The following VSIG10L variants were observed in gnomAD, a reference collection of about 807,000 sequenced individuals.
The protein encoded by VSIG10L is V-set and immunoglobulin domain-containing protein 10-like.
Under a neutral mutation model 67.3 loss-of-function variants are expected in VSIG10L, and 63 were observed. The ratio of observed to expected loss-of-function variants is 0.94; its 90% confidence interval spans 0.76 to 1.15. The LOEUF (loss-of-function observed/expected upper bound fraction) is 1.15, where lower values mean the gene tolerates loss of function less well. VSIG10L is among the 50% of genes most tolerant of loss of function. The pLI, the probability that VSIG10L is intolerant of heterozygous loss-of-function variation, is 0.00. For missense variants in VSIG10L, 1,050 were observed against 1,177.5 expected, an observed-to-expected ratio of 0.89 and a Z score of 1.58; for synonymous variants, 499 against 524.9, an observed-to-expected ratio of 0.95 and a Z score of 0.67.
intron 8 of VSIG10L, 40 bp downstream of exon 8, chr19:51,334,151 C>T (rs1028424037): frequency 5.8e-6 from 9 of 1,545,692 alleles, no homozygotes; most frequent in African/African-American, 1.4e-5. Flanking sequence ...GGTCCCTCCC[C>T]GTTGGTCATG....
Position 51,340,487 on chromosome 19 carries a change from G to A in VSIG10L, c.1135C>T (p.Arg379Cys), listed in dbSNP as rs574079156. The change falls in exon 3 of 10, where the codon CGC (arginine) becomes TGC (cysteine). Residue 379 changes from arginine to cysteine, a missense_variant. By Grantham distance (180) the Arg-to-Cys change is radical. Transcript: ENST00000335624. This position sits in a 1 kb window ranked among gnomAD's most constrained non-coding sequence, Gnocchi z 6.3. ...CTGTGGCCGAAGGGGCTGCGGACGC[G>A]GCAAGTGTACCGGGCGTGGTCGCTG... The part of the protein sequence containing the change: ...VRSDHARYTC[R>C]VRSPFGHREA... The A allele has an allele frequency of 1.5e-4, 225 of 1,519,894 alleles. No individual in the cohort carries two copies. In the African/African-American group the frequency reaches 2.3e-3, roughly 15 times the overall value. The allele number at this position is 1,519,894 out of a possible 1,614,324, so 94.2% of individuals were successfully genotyped here. A position where few individuals can be genotyped will look rare whatever the true frequency, so the allele number is the denominator to read the frequency against.
At chr19:51,334,413 G>A in intron 7 of VSIG10L, 109 bp from the exon 8 acceptor site, 1 of 849,390 alleles carries the variant, frequency 1.2e-6, no homozygotes, top group Non-Finnish European at 1.8e-6. Context: ...GGCCCCCACT[G>A]TCCCTCCCCT....
At chr19:51,337,907 T>C (rs762782216) in intron 6 of VSIG10L, 23 bp downstream of exon 6, 5 of 1,523,434 alleles carry the variant, frequency 3.3e-6, no homozygotes, top group Non-Finnish European at 4.4e-6. Context: ...GACTTCAGGG[T>C]TTTTTGAAAT....
rs1985531828 is a variant in VSIG10L at position 51,338,084 on chromosome 19, C to T, written c.1854G>A (p.Arg618=). 1.3e-6 allele frequency: 2 copies of T among 1,551,392 alleles called. No homozygotes were observed. The highest frequency in any genetic ancestry group is 2.0e-5 in the Admixed American group (1 of 50,976). The change falls in exon 6 of 10, where the codon AGG becomes AGA. Residue 618 remains arginine, a synonymous_variant. Transcript: ENST00000335624. ...GACTCCCGCCTCCTGGAGCCAGGGGCCTCCCTTCCCGGGCCCAGGATGCCC... is the reference window on the plus strand; with the variant it reads ...GACTCCCGCCTCCTGGAGCCAGGGGTCTCCCTTCCCGGGCCCAGGATGCCC... ...PSRASWAREG[R]PLAPGGGSRL...
At chr19:51,336,447 G>A (rs544320420) in intron 7 of VSIG10L, among the ~76,000 whole-genome samples, 184 of 152,022 alleles carry the variant, frequency 1.2e-3, no homozygotes, top group South Asian at 3.5e-3. Context: ...CTAGCTACTC[G>A]GGAGGCTGAG....
At chr19:51,339,990 C>T in intron 4 of VSIG10L, 25 bp downstream of exon 4, 2 of 1,365,990 alleles carry the variant, frequency 1.5e-6, no homozygotes, top group Non-Finnish European at 1.9e-6. Flanking sequence ...CCAGGCATTC[C>T]CCTACTCCCG....
chr19:51,342,138 C>T lies in VSIG10L; in HGVS notation c.-14G>A, dbSNP rs1230696970. On this transcript the variant is annotated 5_prime_UTR_variant, in exon 1 of 10. The change creates a new upstream start codon in the 5' untranslated region. Transcript: ENST00000335624. This position sits in a 1 kb window ranked among gnomAD's most constrained non-coding sequence, Gnocchi z 4.4. ...TGGGTTGTCCATGGTGCTGGCCTCA[C>T]TGAAAGGACACTGGAGAGAGACCCA... is the stretch of plus-strand genomic sequence containing the variant. 6.4e-7 allele frequency: 1 copy of T among 1,551,542 alleles called. No individual in the cohort carries two copies. The highest frequency in any genetic ancestry group is 8.7e-7 in the Non-Finnish European group (1 of 1,146,982).
chr19:51,342,114 G>A lies in VSIG10L; in HGVS notation c.11C>T (p.Pro4Leu). ...GAGTAGGAAGAGTGGCAGAGCCTGTGGGTTGTCCATGGTGCTGGCCTCACT... is the reference window on the plus strand; with the variant it reads ...GAGTAGGAAGAGTGGCAGAGCCTGTAGGTTGTCCATGGTGCTGGCCTCACT... The part of the protein sequence containing the change: MDN[P>L]QALPLFLLLA... Residue 4 changes from proline to leucine, a missense_variant, in exon 1 of 10, where the codon CCA (proline) becomes CTA (leucine). Physicochemically the swap from Pro to Leu is moderately conservative, Grantham distance 98. This residue lies in a region of VSIG10L where 511 missense variants were observed against 557.9 expected (regional missense o/e 0.92). Transcript: ENST00000335624. The surrounding 1 kb of genome is among the most constrained non-coding windows in gnomAD (Gnocchi z 4.4). The A allele has an allele frequency of 1.3e-6, 2 of 1,551,648 alleles. No homozygotes were observed. Among genetic ancestry groups the A allele is most frequent in the Non-Finnish European group, 1.7e-6 (2 of 1,146,984 alleles).
At position 51,332,626 on chromosome 19, in the gene VSIG10L, A is replaced by C. The variant is rs1985385573; in HGVS notation, c.2589T>G (p.Val863=). ...STRAYQAQTP[V]QLSL ...GAGCCTCCGCCTACAGAGACAACTG[A>C]ACTGGGGTCTGTGCCTGGAAGAGAG... The change falls in exon 10 of 10, where the codon GTT becomes GTG. Residue 863 remains valine, a synonymous_variant. Coordinates refer to ENST00000335624, the MANE Select transcript of VSIG10L (RefSeq NM_001163922.3). The C allele has an allele frequency of 7.1e-7, 1 of 1,413,962 alleles. No homozygotes were observed. The highest frequency in any genetic ancestry group is 9.2e-7 in the Non-Finnish European group (1 of 1,087,644). The allele number at this position is 1,413,962 out of a possible 1,614,324, so 87.6% of individuals were successfully genotyped here.
chr19:51,342,062 A>G lies in VSIG10L; in HGVS notation c.40+23T>C, dbSNP rs1163925878. ...AGGCTGCTGAGGGAGACTGACAGGG[A>G]AGGGACTGAGCAGGGAACTTACCCA... is the stretch of plus-strand genomic sequence containing the variant. On this transcript the variant is annotated intron_variant, in intron 1 of 9. Coordinates refer to ENST00000335624, the MANE Select transcript of VSIG10L (RefSeq NM_001163922.3). This position sits in a 1 kb window ranked among gnomAD's most constrained non-coding sequence, Gnocchi z 4.4. 1.9e-6 allele frequency: 3 copies of G among 1,551,584 alleles called. No individual in the cohort carries two copies. The Admixed American group carries it at 5.9e-5, about 30-fold the overall frequency.
In VSIG10L at chr19:51,338,174, C is replaced by T; in HGVS notation, c.1764G>A (p.Val588=). ...CTGCCTCCCCCAACCGTGTCTCTGC[C>T]ACCAGCGGATGCAGCAGCACCTCTC... The part of the protein sequence containing the change: ...APREVLLHPL[V]AETRLGEAEV... The change falls in exon 6 of 10, where the codon GTG becomes GTA. Residue 588 remains valine (V), a synonymous_variant. Transcript: ENST00000335624. 6.6e-7 allele frequency: 1 copy of T among 1,505,466 alleles called. No individual in the cohort carries two copies. Among genetic ancestry groups the T allele is most frequent in the East Asian group, 2.5e-5 (1 of 40,444 alleles). The allele number at this position is 1,505,466 out of a possible 1,614,324, so 93.3% of individuals were successfully genotyped here.
Position 51,342,101 on chromosome 19 carries a change from T to C in VSIG10L, c.24A>G (p.Pro8=). The C allele has an allele frequency of 1.3e-6, 2 of 1,551,372 alleles. No homozygotes were observed. Among genetic ancestry groups the C allele is most frequent in the South Asian group, 2.4e-5 (2 of 84,056 alleles). ...GGAACTTACCCAGGAGTAGGAAGAG[T>C]GGCAGAGCCTGTGGGTTGTCCATGG... MDNPQAL[P]LFLLLASLVG... is the part of the protein sequence containing the mutation. Residue 8 remains proline (P), a synonymous_variant, in exon 1 of 10, where the codon CCA becomes CCG. Coordinates refer to ENST00000335624, the MANE Select transcript of VSIG10L (RefSeq NM_001163922.3). This position sits in a 1 kb window ranked among gnomAD's most constrained non-coding sequence, Gnocchi z 4.4.
chr19:51,332,695 A>G (rs373144536), intron 9 of VSIG10L, 55 bp from the exon 10 acceptor site: 19 of 1,477,258 alleles, frequency 1.3e-5, no homozygotes, highest in Admixed American at 2.3e-5. Flanking sequence ...TGGATGTGAC[A>G]TAACTCACCC....
chr19:51,334,019 G>C, intron 8 of VSIG10L, 74 bp from the exon 9 acceptor site: 1 of 1,537,172 alleles, frequency 6.5e-7, no homozygotes, highest in Non-Finnish European at 8.8e-7. Flanking sequence ...CAATAGCAAG[G>C]GAAGCTGGTT....
intron 4 of VSIG10L, 183 bp downstream of exon 4, chr19:51,339,832 C>T (rs1195856995): frequency 4.1e-6 from 3 of 736,774 alleles, no homozygotes; most frequent in East Asian, 7.6e-5. Context: ...CGCCCCTCCG[C>T]GCTGGCCCGC....
chr19:51,339,038 G>A lies in VSIG10L; in HGVS notation c.1579C>T (p.Gln527Ter). ...ATGCCTTCGGGGAGACCCTGGAACT[G>A]CAGGGAGGCAGCAGGGGCCCCGCCG... ...WPGGAPAASLQFQGLPEGIRA... is the reference protein window; with the variant it reads ...WPGGAPAASL The change falls in exon 5 of 10, where the codon CAG (glutamine) becomes TAG (stop). Residue 527 changes from glutamine (Q) to a stop codon, truncating the protein, a stop_gained. Transcript: ENST00000335624. LOFTEE classifies it high-confidence loss of function. 2 of 1,357,670 alleles carry A rather than the reference G, an allele frequency of 1.5e-6. No homozygotes were observed. The highest frequency in any genetic ancestry group is 1.9e-6 in the Non-Finnish European group (2 of 1,047,620). 84.1% of individuals were successfully genotyped at this position (1,357,670 alleles called of 1,614,324 possible).
Position 51,340,498 on chromosome 19 carries a change from C to T in VSIG10L, c.1124G>A (p.Arg375Gln), listed in dbSNP as rs1367187557. The change falls in exon 3 of 10, where the codon CGG becomes CAG. Residue 375 changes from arginine to glutamine, a missense_variant. Physicochemically the swap from Arg to Gln is conservative, Grantham distance 43. This residue lies in a region of VSIG10L where 511 missense variants were observed against 557.9 expected (regional missense o/e 0.92). Coordinates refer to ENST00000335624, the MANE Select transcript of VSIG10L (RefSeq NM_001163922.3). This position sits in a 1 kb window ranked among gnomAD's most constrained non-coding sequence, Gnocchi z 6.3. ...GGGGCTGCGGACGCGGCAAGTGTAC[C>T]GGGCGTGGTCGCTGCGCACAGGGCG... ...IVRPVRSDHA[R>Q]YTCRVRSPFG... 6.5e-7 allele frequency: 1 copy of T among 1,528,506 alleles called. No individual in the cohort carries two copies. Among genetic ancestry groups the T allele is most frequent in the Non-Finnish European group, 8.8e-7 (1 of 1,141,336 alleles). 94.7% of individuals were successfully genotyped at this position (1,528,506 alleles called of 1,614,324 possible). A position where few individuals can be genotyped will look rare whatever the true frequency, so the allele number is the denominator to read the frequency against.
chr19:51,335,243 C>T (rs1012741396), intron 7 of VSIG10L, among the ~76,000 whole-genome samples: 1 of 152,088 alleles, frequency 6.6e-6, no homozygotes, highest in East Asian at 1.9e-4. Flanking sequence ...GGAACCAGAT[C>T]CTAAAGGGGT....
chr19:51,341,876 G>A lies in VSIG10L; in HGVS notation c.172C>T (p.Pro58Ser). The change falls in exon 2 of 10, where the codon CCC becomes TCC. Residue 58 changes from proline (P) to serine (S), a missense_variant. Coordinates refer to ENST00000335624, the MANE Select transcript of VSIG10L (RefSeq NM_001163922.3). ...LGVEVPSIKP[P>S]SWKVPDQFLD... is the part of the protein sequence containing the mutation. ...AACTGATCTGGAACTTTCCAGCTGG[G>A]AGGTTTGATGGAGGGAACTTCCACA... The A allele has an allele frequency of 6.4e-7, 1 of 1,551,674 alleles. No individual in the cohort carries two copies.
Sources: allele counts gnomAD v4.1 joint callset (sites outside exome capture counted in the v4.1 genomes callset), GRCh38; gene constraint gnomAD v4.1.1; regional missense constraint gnomAD v4.1.1; non-coding constraint Gnocchi (gnomAD v3.1); transcripts MANE v1.5; gene names NCBI Gene and HGNC (gene_info 2026-07-23, HGNC 2026-07-21).